The following RRP12 variants were observed in gnomAD, a reference collection of about 807,000 sequenced individuals.
RRP12 encodes RRP12-like protein.
Under a neutral mutation model 157.3 loss-of-function variants are expected in RRP12, and 78 were observed. The ratio of observed to expected loss-of-function variants is 0.50; its 90% confidence interval spans 0.41 to 0.60. RRP12 has a LOEUF of 0.60. Among genes scored for constraint, RRP12 ranks in the 20% least tolerant of loss-of-function variants. The pLI is 0.00. For synonymous variants in RRP12, 726 were observed against 670.9 expected, an observed-to-expected ratio of 1.08 and a Z score of -1.27; for missense variants, 1,521 against 1,679.9, an observed-to-expected ratio of 0.91 and a Z score of 1.65.
chr10:97,400,822 G>A (rs1438729226), intron 1 of RRP12, among the ~76,000 whole-genome samples: 2 of 152,088 alleles, frequency 1.3e-5, no homozygotes, highest in African/African-American at 4.8e-5. Context: ...AGGTGAACGC[G>A]CTCTGTAAAG....
At chr10:97,362,449 G>A (rs918341047) in intron 30 of RRP12, among the ~76,000 whole-genome samples, 1 of 152,192 alleles carries the variant, frequency 6.6e-6, no homozygotes, top group African/African-American at 2.4e-5. Context: ...TAAGTGGCAA[G>A]CACTGTACAC....
intron 6 of RRP12, 107 bp from the exon 7 acceptor site, chr10:97,388,731 A>G: frequency 7.4e-7 from 1 of 1,350,092 alleles, no homozygotes; most frequent in Non-Finnish European, 1.0e-6. Context: ...ATATAGATCC[A>G]ATGATGATCT....
At chr10:97,385,099 C>T in intron 10 of RRP12, 67 bp downstream of exon 10, 3 of 552,528 alleles carry the variant, frequency 5.4e-6, no homozygotes. Context: ...AGCCTGGACA[C>T]AGGCCCTGAG....
intron 11 of RRP12, 90 bp downstream of exon 11, chr10:97,381,625 G>A (rs886887239): frequency 1.9e-5 from 24 of 1,293,124 alleles, no homozygotes; most frequent in South Asian, 3.8e-5. Flanking sequence ...CTCTGGGCCC[G>A]AGCTGGTAGC....
intron 6 of RRP12, among the ~76,000 whole-genome samples, chr10:97,389,872 C>G (rs952088613): frequency 6.6e-6 from 1 of 152,084 alleles, no homozygotes; most frequent in African/African-American, 2.4e-5. Flanking sequence ...ACCACCACAC[C>G]TGGCTAATTT....
In RRP12 at chr10:97,363,860, G is replaced by T. The variant is rs541451498; in HGVS notation, c.3561C>A (p.Ile1187=). 2 of 1,613,984 alleles carry T rather than the reference G, an allele frequency of 1.2e-6. No individual in the cohort carries two copies. The highest frequency in any genetic ancestry group is 4.5e-5 in the East Asian group (2 of 44,874). The change falls in exon 30 of 34, where the codon ATC becomes ATA. Residue 1187 remains isoleucine (I), a synonymous_variant. Transcript: ENST00000370992. ...EMADPMEDVI[I]RNKKHQKLKH... Reference sequence around the variant, plus strand: ...ATCTGCAGGAACTACTCACATTCCTGATGATCACATCTTCCATTGGGTCAG... The same window carrying T: ...ATCTGCAGGAACTACTCACATTCCTTATGATCACATCTTCCATTGGGTCAG...
Position 97,381,501 on chromosome 10 carries a change from A to G in RRP12, c.1321-18T>C, listed in dbSNP as rs1419487397. 1 of 1,587,932 alleles carries G rather than the reference A, an allele frequency of 6.3e-7. No individual in the cohort carries two copies. The highest frequency in any genetic ancestry group is 8.6e-7 in the Non-Finnish European group (1 of 1,164,546). On this transcript the variant is annotated intron_variant, in intron 11 of 33. Coordinates refer to ENST00000370992, the MANE Select transcript of RRP12 (RefSeq NM_015179.4). The stretch of plus-strand genomic sequence containing the variant: ...AGGATCTCCTGCGAAGAGAGGCCAC[A>G]GGCTTTCTGGGCCCAAGGCAGCCCC...
Position 97,401,197 on chromosome 10 carries a change from G to T in RRP12, c.35C>A (p.Ser12Ter), listed in dbSNP as rs1845137649. 6.2e-7 allele frequency: 1 copy of T among 1,614,052 alleles called. No individual in the cohort carries two copies. The highest frequency in any genetic ancestry group is 1.3e-5 in the African/African-American group (1 of 74,926). Residue 12 changes from serine (S) to a stop codon, truncating the protein, a stop_gained, in exon 1 of 34, where the codon TCA becomes TAA. Coordinates refer to ENST00000370992, the MANE Select transcript of RRP12 (RefSeq NM_015179.4). LOFTEE classifies it high-confidence loss of function. ...GRSGKLPSGVSAKLKRWKKGH... is the reference protein window; with the variant it reads ...GRSGKLPSGV ...TTTCTTCCAGCGCTTCAACTTAGCT[G>T]AGACACCAGAAGGCAACTTTCCCGA...
intron 20 of RRP12, chr10:97,371,861 G>A: frequency 2.0e-6 from 1 of 505,468 alleles, no homozygotes; most frequent in Non-Finnish European, 3.6e-6. Flanking sequence ...AGCACGCAAG[G>A]CCTAAGCACA....
rs137986047 is a variant in RRP12, at chr10:97,388,497, T to C, written c.881A>G (p.Lys294Arg). Reference protein sequence around the residue: ...TAKFCIQEIEKSGGSKEATTT... With the variant: ...TAKFCIQEIERSGGSKEATTT... ...CCATTTGGGTTCCCCACCTCCAGAC[T>C]TCTCAATCTCCTGGATGCAGAACTT... The change falls in exon 7 of 34, where the codon AAG becomes AGG. Residue 294 changes from lysine (K) to arginine (R), a missense_variant. By Grantham distance (26) the Lys-to-Arg change is conservative. Transcript: ENST00000370992. The C allele has an allele frequency of 6.2e-7, 1 of 1,614,170 alleles. No homozygotes were observed. The highest frequency in any genetic ancestry group is 8.5e-7 in the Non-Finnish European group (1 of 1,180,018).
intron 33 of RRP12, among the ~76,000 whole-genome samples, chr10:97,357,680 T>C (rs1327633447): frequency 6.6e-6 from 1 of 152,134 alleles, no homozygotes; most frequent in Non-Finnish European, 1.5e-5. Flanking sequence ...TGACTATGGC[T>C]GGGCGTGGTG....
intron 6 of RRP12, among the ~76,000 whole-genome samples, chr10:97,389,895 T>C (rs1844753344): frequency 6.6e-6 from 1 of 152,104 alleles, no homozygotes; most frequent in African/African-American, 2.4e-5. Flanking sequence ...ATATTTTTAG[T>C]AGAGTCGAGG....
chr10:97,361,264 C>T (rs562943879), intron 30 of RRP12, among the ~76,000 whole-genome samples: 7 of 152,348 alleles, frequency 4.6e-5, no homozygotes, highest in South Asian at 2.1e-4. Flanking sequence ...ACCTACTGTG[C>T]GCCTGGCACT....
intron 30 of RRP12, among the ~76,000 whole-genome samples, chr10:97,361,621 G>C (rs544586694): frequency 6.6e-6 from 1 of 152,224 alleles, no homozygotes; most frequent in Non-Finnish European, 1.5e-5. Flanking sequence ...TCCACTGGCC[G>C]AAGCCCAGCT....
chr10:97,386,424 C>G (rs1405426481), intron 8 of RRP12, among the ~76,000 whole-genome samples: 1 of 151,966 alleles, frequency 6.6e-6, no homozygotes, highest in East Asian at 1.9e-4. Context: ...AAATTCCTTG[C>G]CTCCTGCCTT....
chr10:97,372,778 GCTTTTTCCA>G lies in RRP12; in HGVS notation c.2198_2206del (p.Leu733_Ala736delinsPro). 6.4e-7 allele frequency: 1 copy of G among 1,563,714 alleles called. No individual in the cohort carries two copies. Among genetic ancestry groups the G allele is most frequent in the Non-Finnish European group, 8.7e-7 (1 of 1,153,342 alleles). On this transcript the variant is annotated inframe_deletion, in exon 19 of 34. Coordinates refer to ENST00000370992, the MANE Select transcript of RRP12 (RefSeq NM_015179.4). ...GGCAGGGTCGAGCACCTTCTCACTG[GCTTTTTCCA>G]GGAGACTGTTCACCAACTTGTGGCC...
chr10:97,399,334 C>CTAA (rs1384986318), intron 2 of RRP12, among the ~76,000 whole-genome samples: 1 of 152,044 alleles, frequency 6.6e-6, no homozygotes, highest in African/African-American at 2.4e-5. Context: ...AATATGGCTA[C>CTAA]TAAACATTTT....
In RRP12 at chr10:97,379,392, T is replaced by A. The variant is rs1589426837; in HGVS notation, c.1699A>T (p.Ser567Cys). ...GSEETLDFPR[S>C]WLLPVIRDHV... Reference sequence around the variant, plus strand: ...TCTCGGATGACAGGCAGCAGCCAGCTCCGTGGGAAATCCAGAGTCTCCCTG... The same window carrying A: ...TCTCGGATGACAGGCAGCAGCCAGCACCGTGGGAAATCCAGAGTCTCCCTG... The change falls in exon 15 of 34, where the codon AGC becomes TGC. Residue 567 changes from serine to cysteine, a missense_variant. Physicochemically the swap from Ser to Cys is moderately radical, Grantham distance 112 (BLOSUM62 -1). Transcript: ENST00000370992. 6.2e-7 allele frequency: 1 copy of A among 1,614,042 alleles called. No homozygotes were observed. Among genetic ancestry groups the A allele is most frequent in the Admixed American group, 1.7e-5 (1 of 60,016 alleles).
chr10:97,388,663 C>T (rs760358591), intron 6 of RRP12, 39 bp from the exon 7 acceptor site: 19 of 1,602,590 alleles, frequency 1.2e-5, no homozygotes, highest in African/African-American at 9.4e-5. Flanking sequence ...GCCAGATCAG[C>T]GTTCCACCAG....
Sources: gnomAD v4.1 joint callset for allele counts (sites outside exome capture counted in the v4.1 genomes callset) on GRCh38, gnomAD v4.1.1 for gene constraint, MANE v1.5 for transcripts, NCBI Gene and HGNC (gene_info 2026-07-23, HGNC 2026-07-21) for gene names.